Variants in TAF4 observed in about 807,000 individuals in gnomAD.
The protein encoded by TAF4 is TATA-box binding protein associated factor 4.
Under a neutral mutation model 90.3 loss-of-function variants are expected in TAF4, and 9 were observed. The observed-to-expected ratio is 0.10, with a 90% CI of 0.06 to 0.17. The LOEUF is 0.17. Among genes scored for constraint, TAF4 ranks in the 10% least tolerant of loss-of-function variants. The pLI, the probability that TAF4 is intolerant of heterozygous loss-of-function variation, is 1.00. For synonymous variants in TAF4, 818 were observed against 638.9 expected (o/e 1.28, Z -4.23); for missense variants, 1,351 against 1,370.7 (o/e 0.99, Z 0.23).
intron 1 of TAF4, among the ~76,000 whole-genome samples, chr20:62,042,466 ACT>A (rs555799425): frequency 1.7e-3 from 266 of 152,188 alleles, no homozygotes; most frequent in Middle Eastern, 0.01. Context: ...CTGTCGCCTG[ACT>A]CTCTGCTGAG....
intron 1 of TAF4, among the ~76,000 whole-genome samples, chr20:62,051,927 G>A (rs1041199888): frequency 3.9e-5 from 6 of 152,074 alleles, no homozygotes; most frequent in Admixed American, 3.9e-4. Context: ...CCCCTTCCTG[G>A]ACAAACCAAG....
intron 1 of TAF4, among the ~76,000 whole-genome samples, chr20:62,015,274 G>A (rs1041001285): frequency 2.6e-5 from 4 of 152,222 alleles, no homozygotes. Flanking sequence ...CAACACAGGC[G>A]CAGATGCGAC....
chr20:61,991,126 G>C (rs925650077), intron 14 of TAF4, among the ~76,000 whole-genome samples: 2 of 152,086 alleles, frequency 1.3e-5, no homozygotes, highest in Admixed American at 6.5e-5. Context: ...TTTTAAAAAA[G>C]AGAAAAATTA....
At chr20:62,059,790 G>A (rs1401307356) in intron 1 of TAF4, among the ~76,000 whole-genome samples, 1 of 152,230 alleles carries the variant, frequency 6.6e-6, no homozygotes, top group African/African-American at 2.4e-5. Context: ...CGGGAACCCT[G>A]CAAATTACCC....
chr20:62,064,647 G>C lies in TAF4; in HGVS notation c.1164C>G (p.Ala388=), dbSNP rs925754005. 1 of 1,325,608 alleles carries C rather than the reference G, an allele frequency of 7.5e-7. No individual in the cohort carries two copies. Among genetic ancestry groups the C allele is most frequent in the African/African-American group, 1.6e-5 (1 of 64,030 alleles). The allele number at this position is 1,325,608 out of a possible 1,614,324, so 82.1% of individuals were successfully genotyped here. Residue 388 remains alanine, a synonymous_variant, in exon 1 of 15, where the codon GCC becomes GCG. Transcript: ENST00000252996. ...TMQGALPSPA[A]VPPPAPGTPT... is the part of the protein sequence containing the mutation. Reference sequence around the variant, plus strand: ...GGGTCCCGGGGGCGGGCGGCGGGACGGCGGCCGGGCTGGGCAGCGCCCCTT... The same window carrying C: ...GGGTCCCGGGGGCGGGCGGCGGGACCGCGGCCGGGCTGGGCAGCGCCCCTT...
chr20:61,991,752 G>A lies in TAF4; in HGVS notation c.3090+5798C>T, dbSNP rs998202740. The stretch of plus-strand genomic sequence containing the variant: ...AGAACAAACACAAAGGATCATTATT[G>A]CAGATGTTCCTAAGGAGACTTGAAC... On this transcript the variant is annotated intron_variant, in intron 14 of 14. Coordinates refer to ENST00000252996, the MANE Select transcript of TAF4 (RefSeq NM_003185.4). Among the ~76,000 whole-genome samples the A allele has an allele frequency of 5.9e-5, 9 of 152,140 alleles. 1 individual carries two copies. Among genetic ancestry groups the A allele is most frequent in the African/African-American group, 1.7e-4 (7 of 41,418 alleles).
At chr20:62,034,287 C>T (rs150021849) in intron 1 of TAF4, among the ~76,000 whole-genome samples, 26 of 152,246 alleles carry the variant, frequency 1.7e-4, no homozygotes, top group Admixed American at 4.6e-4. Context: ...AATTCAACTG[C>T]GATTCAACAC....
intron 1 of TAF4, among the ~76,000 whole-genome samples, chr20:62,016,757 G>A (rs1249388910): frequency 2.0e-5 from 3 of 152,098 alleles, no homozygotes; most frequent in South Asian, 2.1e-4. Flanking sequence ...TATTAGTTCT[G>A]TCCCTTTAGA....
chr20:61,985,874 T>C (rs1330850398), intron 14 of TAF4, among the ~76,000 whole-genome samples: 2 of 141,968 alleles, frequency 1.4e-5, no homozygotes, highest in Non-Finnish European at 3.0e-5. Flanking sequence ...CAGAGTATGG[T>C]TCTAAACACC....
chr20:62,031,516 A>C (rs1443066577), intron 1 of TAF4, among the ~76,000 whole-genome samples: 1 of 152,112 alleles, frequency 6.6e-6, no homozygotes, highest in Non-Finnish European at 1.5e-5. Flanking sequence ...GCAGATTCTG[A>C]ATTCATTCAA....
chr20:62,056,034 C>T (rs184783745), intron 1 of TAF4, among the ~76,000 whole-genome samples: 5 of 151,814 alleles, frequency 3.3e-5, no homozygotes, highest in Admixed American at 2.6e-4. Context: ...GTCAGGAGTT[C>T]GAGACCAACC....
chr20:61,999,191 C>A (rs1242638675), intron 11 of TAF4, 83 bp from the exon 12 acceptor site: 2 of 1,528,362 alleles, frequency 1.3e-6, no homozygotes, highest in Admixed American at 1.7e-5. Context: ...CTGGACCATC[C>A]GTGCACAACG....
intron 9 of TAF4, among the ~76,000 whole-genome samples, chr20:62,002,881 T>C (rs2055715775): frequency 6.6e-6 from 1 of 152,154 alleles, no homozygotes. Context: ...CAAAATACGA[T>C]GTTATACTAA....
chr20:62,002,148 T>C (rs28382096), intron 9 of TAF4, among the ~76,000 whole-genome samples: 4,061 of 152,296 alleles, frequency 0.027, 71 homozygotes, highest in Middle Eastern at 0.044. Flanking sequence ...CCTTGATTAA[T>C]TCTTTCACCC....
rs770557805 is a variant in TAF4, at chr20:62,065,136, C to G, written c.675G>C (p.Leu225=). Residue 225 remains leucine (L), a synonymous_variant, in exon 1 of 15, where the codon CTG becomes CTC. Transcript: ENST00000252996. ...VSLVNNGPAA[L]LPLPKPAAPG... is the part of the protein sequence containing the mutation. ...GGGCGGCGGGCTTGGGCAGCGGCAGCAGCGCGGCGGGCCCGTTGTTGACCA... is the reference window on the plus strand; with the variant it reads ...GGGCGGCGGGCTTGGGCAGCGGCAGGAGCGCGGCGGGCCCGTTGTTGACCA... The G allele has an allele frequency of 5.1e-6, 6 of 1,174,830 alleles. No individual in the cohort carries two copies. The African/African-American group carries it at 6.9e-5, about 13-fold the overall frequency. The allele number at this position is 1,174,830 out of a possible 1,614,324, so 72.8% of individuals were successfully genotyped here.
chr20:62,029,330 T>C (rs942552885), intron 1 of TAF4, among the ~76,000 whole-genome samples: 2 of 152,148 alleles, frequency 1.3e-5, no homozygotes, highest in Non-Finnish European at 1.5e-5. Flanking sequence ...TATCTAGACA[T>C]GCAACTCTGT....
At chr20:61,998,105 C>A (rs955384020) in intron 13 of TAF4, 31 bp downstream of exon 13, 2 of 1,611,388 alleles carry the variant, frequency 1.2e-6, no homozygotes, top group Non-Finnish European at 1.7e-6. Context: ...CAGCAAAGTG[C>A]CCACGAGCAC....
In TAF4 at chr20:62,065,445, G is replaced by A; in HGVS notation, c.366C>T (p.Pro122=). The change falls in exon 1 of 15, where the codon CCC becomes CCT. Residue 122 remains proline (P), a synonymous_variant. Transcript: ENST00000252996. ...RPLVPAGPAP[P]AAKLRPPPEG... ...CGGGCGGCGGCCTCAGCTTCGCGGC[G>A]GGCGGCGCGGGCCCTGCGGGGACAA... is the stretch of plus-strand genomic sequence containing the variant. 5 of 976,666 alleles carry A rather than the reference G, an allele frequency of 5.1e-6. No individual in the cohort carries two copies. The highest frequency in any genetic ancestry group is 6.1e-6 in the Non-Finnish European group (5 of 825,650). The allele number at this position is 976,666 out of a possible 1,614,324, so 60.5% of individuals were successfully genotyped here.
chr20:62,023,767 AAAAGAAAG>A (rs1187960414), intron 1 of TAF4, among the ~76,000 whole-genome samples: 3 of 117,118 alleles, frequency 2.6e-5, no homozygotes, highest in African/African-American at 9.3e-5. Context: ...AAAAAAAAAA[AAAAGAAAG>A]AAAGAAAGAA....
Sources: gnomAD v4.1 joint callset for allele counts (sites outside exome capture counted in the v4.1 genomes callset) on GRCh38, gnomAD v4.1.1 for gene constraint, MANE v1.5 for transcripts, NCBI Gene and HGNC (gene_info 2026-07-23, HGNC 2026-07-21) for gene names.